The following RUFY3 variants were observed in gnomAD, a reference collection of about 807,000 sequenced individuals.
The protein encoded by RUFY3 is RUN and FYVE domain containing 3.
RUFY3 carries 34 observed loss-of-function variants against 84.0 expected under a neutral mutation model. The ratio of observed to expected loss-of-function variants is 0.40; its 90% CI spans 0.31 to 0.54. The LOEUF (loss-of-function observed/expected upper bound fraction) is 0.54, where lower values mean the gene tolerates loss of function less well. Among genes scored for constraint, RUFY3 ranks in the 20% least tolerant of loss-of-function variants. The pLI is 0.39. For synonymous variants in RUFY3, 242 were observed against 252.9 expected (o/e 0.96, Z 0.41); for missense variants, 507 against 736.8 (o/e 0.69, Z 3.61).
intron 1 of RUFY3, among the ~76,000 whole-genome samples, chr4:70,732,450 A>G (rs1234969006): frequency 6.6e-6 from 1 of 152,228 alleles, no homozygotes; most frequent in Non-Finnish European, 1.5e-5. Flanking sequence ...GTAAAGACAC[A>G]TGCACACGTA....
At chr4:70,768,738 C>A in intron 5 of RUFY3, 77 bp downstream of exon 5, 2 of 1,392,266 alleles carry the variant, frequency 1.4e-6, no homozygotes, top group Non-Finnish European at 2.0e-6. Context: ...TTAGGTTATA[C>A]CAACCAAATT....
At chr4:70,744,835 A>G (rs1343254954) in intron 1 of RUFY3, among the ~76,000 whole-genome samples, 1 of 148,276 alleles carries the variant, frequency 6.7e-6, no homozygotes, top group African/African-American at 2.5e-5. Context: ...TTGCATTTTT[A>G]GTAGAGACAG....
At position 70,807,892 on chromosome 4, in the gene RUFY3, T is replaced by G. The variant is rs991556316; in HGVS notation, c.*1233T>G. ...TTCCTTATTCTGAGTGAGTCACGAATGAGAGCTGATAGATGCTTTCTTGAA... is the reference window on the plus strand; with the variant it reads ...TTCCTTATTCTGAGTGAGTCACGAAGGAGAGCTGATAGATGCTTTCTTGAA... On this transcript the variant is annotated 3_prime_UTR_variant, in exon 18 of 18. Transcript: ENST00000381006. Among the ~76,000 whole-genome samples the G allele has an allele frequency of 1.3e-5, 2 of 152,162 alleles. No homozygotes were observed. Among genetic ancestry groups the G allele is most frequent in the Non-Finnish European group, 2.9e-5 (2 of 68,028 alleles).
chr4:70,723,976 C>G (rs1027938923), intron 1 of RUFY3, among the ~76,000 whole-genome samples: 1 of 152,142 alleles, frequency 6.6e-6, no homozygotes, highest in Non-Finnish European at 1.5e-5. Flanking sequence ...TTGGGTGTGT[C>G]TTTAAGAACA....
intron 5 of RUFY3, among the ~76,000 whole-genome samples, chr4:70,771,267 T>C (rs189260489): frequency 6.6e-6 from 1 of 152,046 alleles, no homozygotes; most frequent in Admixed American, 6.6e-5. Context: ...TTGTAAAAAA[T>C]GCAATATCTG....
At chr4:70,750,329 T>C (rs890126247) in intron 1 of RUFY3, among the ~76,000 whole-genome samples, 2 of 152,194 alleles carry the variant, frequency 1.3e-5, no homozygotes, top group African/African-American at 4.8e-5. Flanking sequence ...AAACATTACA[T>C]CTCAGCACCT....
At chr4:70,705,123 G>T (rs1340504416) in exon 1 of RUFY3, 1 of 1,433,676 alleles carries the variant, frequency 7.0e-7, no homozygotes, top group South Asian at 1.4e-5. Flanking sequence ...GCCGGTGGCC[G>T]CCCCCTTCTT....
At chr4:70,712,557 CT>C (rs1172158613) in intron 1 of RUFY3, among the ~76,000 whole-genome samples, 1 of 152,042 alleles carries the variant, frequency 6.6e-6, no homozygotes, top group Non-Finnish European at 1.5e-5. Flanking sequence ...TATCTTTTCC[CT>C]TTTTTAAAAT....
At position 70,788,844 on chromosome 4, in the gene RUFY3, G is replaced by A; in HGVS notation, c.1110G>A (p.Arg370=). ...EKELEMQISM[R]QEMELAMKML... The stretch of plus-strand genomic sequence containing the variant: ...AACTGGAGATGCAGATCAGCATGAG[G>A]CAGGAGATGGAATTGGCTATGAAGA... The change falls in exon 11 of 18, where the codon AGG becomes AGA. Residue 370 remains arginine (R), a synonymous_variant. Coordinates refer to ENST00000381006, the MANE Select transcript of RUFY3 (RefSeq NM_001037442.4). 6.2e-7 allele frequency: 1 copy of A among 1,614,076 alleles called. No homozygotes were observed. Among genetic ancestry groups the A allele is most frequent in the Middle Eastern group, 1.7e-4 (1 of 6,054 alleles).
At chr4:70,750,635 G>A (rs1422890666) in intron 1 of RUFY3, among the ~76,000 whole-genome samples, 4 of 152,058 alleles carry the variant, frequency 2.6e-5, no homozygotes, top group African/African-American at 9.6e-5. Context: ...CTCTCTAATC[G>A]AAGAATATTT....
chr4:70,727,505 G>A (rs1718463883), intron 1 of RUFY3, among the ~76,000 whole-genome samples: 1 of 150,700 alleles, frequency 6.6e-6, no homozygotes, highest in South Asian at 2.1e-4. Flanking sequence ...ACAGGCAGAC[G>A]CCACCACGCC....
chr4:70,760,743 C>T (rs1724894097), intron 1 of RUFY3, among the ~76,000 whole-genome samples: 1 of 152,094 alleles, frequency 6.6e-6, no homozygotes, highest in South Asian at 2.1e-4. Context: ...AAGCTATGGC[C>T]ACATTTAAAC....
At chr4:70,728,368 A>G (rs1441951641) in intron 1 of RUFY3, among the ~76,000 whole-genome samples, 2 of 152,210 alleles carry the variant, frequency 1.3e-5, no homozygotes, top group African/African-American at 4.8e-5. Context: ...ATCGTGAGAG[A>G]GGATCACCTG....
intron 1 of RUFY3, among the ~76,000 whole-genome samples, chr4:70,710,838 G>C (rs1263941965): frequency 4.6e-5 from 7 of 151,618 alleles, no homozygotes; most frequent in Non-Finnish European, 1.0e-4. Flanking sequence ...CAAGGCAGGC[G>C]GATCACTTGA....
Position 70,793,834 on chromosome 4 carries a change from C to T in RUFY3, c.1387C>T (p.Leu463Phe), listed in dbSNP as rs949161519. 6.2e-7 allele frequency: 1 copy of T among 1,614,012 alleles called. No homozygotes were observed. Among genetic ancestry groups the T allele is most frequent in the African/African-American group, 1.3e-5 (1 of 74,918 alleles). Residue 463 changes from leucine (L) to phenylalanine (F), a missense_variant, in exon 13 of 18, where the codon CTC (leucine) becomes TTC (phenylalanine). Physicochemically the swap from Leu to Phe is conservative, Grantham distance 22. Coordinates refer to ENST00000381006, the MANE Select transcript of RUFY3 (RefSeq NM_001037442.4). ...SRQSAELDNR[L>F]FKQDFGDKIN... ...CCAATCTGCTGAGTTGGACAACCGG[C>T]TCTTCAAACAGGACTTTGGAGACAA...
At position 70,763,593 on chromosome 4, in the gene RUFY3, C is replaced by T; in HGVS notation, c.394C>T (p.Pro132Ser). ...CGGACAAAATAAATCCTTCTGGGGG[C>T]CTCTAGAACTGGTAGAAAAGCTTGT... ...FLGQNKSFWG[P>S]LELVEKLVPE... Residue 132 changes from proline to serine, a missense_variant, in exon 3 of 18, where the codon CCT becomes TCT. By Grantham distance (74) the Pro-to-Ser change is moderately conservative. Transcript: ENST00000381006. 1 of 1,613,000 alleles carries T rather than the reference C, an allele frequency of 6.2e-7. No individual in the cohort carries two copies. Among genetic ancestry groups the T allele is most frequent in the Non-Finnish European group, 8.5e-7 (1 of 1,179,488 alleles).
chr4:70,779,912 C>T (rs932229927), intron 8 of RUFY3, among the ~76,000 whole-genome samples: 1 of 152,156 alleles, frequency 6.6e-6, no homozygotes, highest in Non-Finnish European at 1.5e-5. Flanking sequence ...CCCTTACACC[C>T]CATGGGATGA....
chr4:70,742,416 C>A (rs1721464120), intron 1 of RUFY3, among the ~76,000 whole-genome samples: 1 of 152,222 alleles, frequency 6.6e-6, no homozygotes, highest in African/African-American at 2.4e-5. Context: ...ATCCACCACT[C>A]TGTCCAGACT....
intron 1 of RUFY3, among the ~76,000 whole-genome samples, chr4:70,757,862 AT>A (rs1724295281): frequency 1.3e-5 from 2 of 152,220 alleles, no homozygotes; most frequent in African/African-American, 2.4e-5. Context: ...ATTGAAAAAA[AT>A]AATTGCATGA....
Sources: gnomAD v4.1 joint callset for allele counts (sites outside exome capture counted in the v4.1 genomes callset) on GRCh38, gnomAD v4.1.1 for gene constraint, MANE v1.5 for transcripts, NCBI Gene and HGNC (gene_info 2026-07-23, HGNC 2026-07-21) for gene names.